Variants in INPP4B observed in about 807,000 individuals in gnomAD.
INPP4B encodes the protein inositol polyphosphate 4-phosphatase type II.
INPP4B carries 55 observed loss-of-function variants against 122.5 expected under a neutral mutation model. The ratio of observed to expected loss-of-function variants is 0.45; its 90% CI spans 0.36 to 0.56. INPP4B has a LOEUF of 0.56. Ranked by LOEUF, INPP4B falls within the 20% of genes least tolerant of loss-of-function variation. INPP4B has a pLI of 0.00. For missense variants in INPP4B, 1,000 were observed against 1,097.7 expected, an observed-to-expected ratio of 0.91 and a Z score of 1.26; for synonymous variants, 403 against 388.7, an observed-to-expected ratio of 1.04 and a Z score of -0.43.
chr4:142,737,365 G>T (rs1446177051), intron 1 of INPP4B, among the ~76,000 whole-genome samples: 1 of 152,142 alleles, frequency 6.6e-6, no homozygotes, highest in Non-Finnish European at 1.5e-5. Context: ...ATGGGGAAAG[G>T]ATTCCCTATT....
At chr4:142,794,200 G>A (rs1776924330) in intron 1 of INPP4B, among the ~76,000 whole-genome samples, 1 of 152,008 alleles carries the variant, frequency 6.6e-6, no homozygotes, top group Non-Finnish European at 1.5e-5. Flanking sequence ...AAACAAGGTA[G>A]GAGGACCTGT....
intron 21 of INPP4B, among the ~76,000 whole-genome samples, chr4:142,118,831 A>G (rs958587805): frequency 3.0e-4 from 45 of 152,344 alleles, no homozygotes; most frequent in African/African-American, 1.1e-3. Flanking sequence ...GCACAGCAAA[A>G]GAAACCACCA....
intron 15 of INPP4B, among the ~76,000 whole-genome samples, chr4:142,177,498 T>C (rs951894518): frequency 2.0e-5 from 3 of 152,086 alleles, no homozygotes; most frequent in Non-Finnish European, 4.4e-5. Flanking sequence ...CAGATGACTC[T>C]GGAAGAAAGG....
At chr4:142,803,983 C>G (rs890255414) in intron 1 of INPP4B, among the ~76,000 whole-genome samples, 1 of 151,636 alleles carries the variant, frequency 6.6e-6, no homozygotes, top group Non-Finnish European at 1.5e-5. Flanking sequence ...CGCTTGAACC[C>G]GGGAGGTGGA....
chr4:142,482,011 T>A (rs544266611), intron 2 of INPP4B, among the ~76,000 whole-genome samples: 1 of 152,276 alleles, frequency 6.6e-6, no homozygotes, highest in Non-Finnish European at 1.5e-5. Context: ...ATTTCATGAA[T>A]AGAGAGCAGG....
chr4:142,385,739 CT>C (rs1216215546), intron 7 of INPP4B, among the ~76,000 whole-genome samples: 2 of 152,016 alleles, frequency 1.3e-5, no homozygotes. Flanking sequence ...AGGGATTTTA[CT>C]TGTGTATTTT....
intron 23 of INPP4B, among the ~76,000 whole-genome samples, chr4:142,087,700 AAT>A (rs1337530210): frequency 5.9e-5 from 9 of 152,332 alleles, no homozygotes; most frequent in Non-Finnish European, 4.4e-5. Flanking sequence ...TTTTAGTAGT[AAT>A]GAGGCTTTGT....
At chr4:142,118,333 C>G (rs1794790431) in intron 21 of INPP4B, among the ~76,000 whole-genome samples, 1 of 151,728 alleles carries the variant, frequency 6.6e-6, no homozygotes. Context: ...CACGCATTGC[C>G]AAGACAATCT....
chr4:142,066,700 C>T (rs929940917), intron 25 of INPP4B, among the ~76,000 whole-genome samples: 4 of 152,202 alleles, frequency 2.6e-5, no homozygotes, highest in African/African-American at 7.2e-5. Flanking sequence ...CCGAGGGTCC[C>T]ACACCCACAG....
chr4:142,384,034 T>A, intron 7 of INPP4B: 2 of 700,888 alleles, frequency 2.9e-6, no homozygotes, highest in Admixed American at 4.0e-5. Flanking sequence ...TTTGAACAGG[T>A]GACTGAGCAA....
At chr4:142,607,498 T>C (rs1326034296) in intron 2 of INPP4B, among the ~76,000 whole-genome samples, 1 of 152,088 alleles carries the variant, frequency 6.6e-6, no homozygotes, top group Admixed American at 6.6e-5. Context: ...CTTGATACCA[T>C]CGTTATTAGT....
At chr4:142,115,664 C>T (rs1458867588) in intron 21 of INPP4B, among the ~76,000 whole-genome samples, 1 of 152,156 alleles carries the variant, frequency 6.6e-6, no homozygotes, top group Non-Finnish European at 1.5e-5. Context: ...CAAGGAAGCG[C>T]TAAACGTGGA....
rs188638283 is a variant in INPP4B at position 142,494,047 on chromosome 4, T to C, written c.-190-31321A>G. 3.3e-4 allele frequency among the ~76,000 whole-genome samples: 51 copies of C among 152,246 alleles called. 1 individual carries two copies. In the East Asian group the frequency reaches 7.0e-3, roughly 21 times the overall value. The stretch of plus-strand genomic sequence containing the variant: ...AGGTCTGATGGTTTTATATGGAGCT[T>C]TTCTGCCTTTGCTCAGAACTTCTTC... On this transcript the variant is annotated intron_variant, in intron 2 of 25. Transcript: ENST00000262992.
chr4:142,636,897 A>G (rs1004994645), intron 2 of INPP4B, among the ~76,000 whole-genome samples: 12 of 152,104 alleles, frequency 7.9e-5, no homozygotes, highest in South Asian at 2.1e-4. Context: ...TATGGCTACA[A>G]TTGACAACAA....
At chr4:142,573,345 T>G (rs1733221886) in intron 2 of INPP4B, among the ~76,000 whole-genome samples, 1 of 151,986 alleles carries the variant, frequency 6.6e-6, no homozygotes, top group Non-Finnish European at 1.5e-5. Context: ...CCTTTTTTCT[T>G]TTAAAAAACC....
intron 24 of INPP4B, among the ~76,000 whole-genome samples, chr4:142,082,416 G>A (rs1286144848): frequency 6.6e-6 from 1 of 152,168 alleles, no homozygotes; most frequent in African/African-American, 2.4e-5. Context: ...GCATGGAACT[G>A]TTGAAGCCAT....
intron 1 of INPP4B, among the ~76,000 whole-genome samples, chr4:142,819,416 A>G (rs1780535023): frequency 6.6e-6 from 1 of 152,112 alleles, no homozygotes; most frequent in Admixed American, 6.6e-5. Flanking sequence ...TCACCAAGCA[A>G]CAAGGCAAGA....
At chr4:142,083,578 G>C (rs951943674) in intron 24 of INPP4B, among the ~76,000 whole-genome samples, 8 of 152,128 alleles carry the variant, frequency 5.3e-5, no homozygotes, top group African/African-American at 1.9e-4. Flanking sequence ...GTCTTTAAAA[G>C]TTGTCCGCTT....
intron 12 of INPP4B, among the ~76,000 whole-genome samples, chr4:142,220,803 A>G (rs1849037514): frequency 6.6e-6 from 1 of 152,166 alleles, no homozygotes. Flanking sequence ...TGGCTTGCCC[A>G]TGACAGCCTC....
Sources: allele counts gnomAD v4.1 joint callset (sites outside exome capture counted in the v4.1 genomes callset), GRCh38; gene constraint gnomAD v4.1.1; transcripts MANE v1.5; gene names NCBI Gene and HGNC (gene_info 2026-07-23, HGNC 2026-07-21).